The following CIMAP1D variants were observed in gnomAD, a reference collection of about 807,000 sequenced individuals.
CIMAP1D encodes protein CIMAP1D.
chr19:473,216 CTAGG>C, the CIMAP1D span, among the ~76,000 whole-genome samples: 6 of 31,374 alleles, frequency 1.9e-4, 1 homozygote, highest in African/African-American at 3.1e-4. Flanking sequence ...AGACTGAGGC[CTAGG>C]CAGAGATACA....
chr19:467,686 G>T, the CIMAP1D span: 1 of 1,612,382 alleles, frequency 6.2e-7, no homozygotes, highest in South Asian at 1.1e-5. Context: ...AGTAGGCAGG[G>T]GTGCAGCTGC....
At chr19:486,510 G>A in the CIMAP1D span, among the ~76,000 whole-genome samples, 3 of 151,930 alleles carry the variant, frequency 2.0e-5, no homozygotes, top group Non-Finnish European at 2.9e-5. Context: ...GCGCAATCTC[G>A]GCTCACTGCA....
chr19:488,225 A>G, the CIMAP1D span, among the ~76,000 whole-genome samples: 1 of 151,214 alleles, frequency 6.6e-6, no homozygotes, highest in African/African-American at 2.4e-5. Context: ...TCTCTACTAA[A>G]AATACAAAAA....
the CIMAP1D span, among the ~76,000 whole-genome samples, chr19:480,678 T>TGG: frequency 2.1e-5 from 3 of 141,080 alleles, no homozygotes; most frequent in Non-Finnish European, 3.0e-5. Flanking sequence ...AGAAGGATGA[T>TGG]GGAGAACGAT....
chr19:471,211 T>G, the CIMAP1D span, among the ~76,000 whole-genome samples: 1 of 149,864 alleles, frequency 6.7e-6, no homozygotes, highest in African/African-American at 2.5e-5. Context: ...TGCAATGGCA[T>G]GATCTCGGCT....
chr19:478,295 C>T, the CIMAP1D span, among the ~76,000 whole-genome samples: 4 of 152,346 alleles, frequency 2.6e-5, no homozygotes, highest in East Asian at 3.9e-4. Flanking sequence ...TCCTCACATC[C>T]GGGTCACCAG....
At chr19:488,346 C>T in the CIMAP1D span, among the ~76,000 whole-genome samples, 3 of 151,576 alleles carry the variant, frequency 2.0e-5, no homozygotes, top group African/African-American at 4.9e-5. Context: ...CACGGTGAAA[C>T]CCCGTCTCTA....
chr19:477,833 C>A, the CIMAP1D span, among the ~76,000 whole-genome samples: 1 of 152,166 alleles, frequency 6.6e-6, no homozygotes, highest in Non-Finnish European at 1.5e-5. Context: ...GCACGCAGGC[C>A]CTGCACGGCC....
At chr19:469,286 T>G in the CIMAP1D span, among the ~76,000 whole-genome samples, 2 of 151,044 alleles carry the variant, frequency 1.3e-5, no homozygotes, top group African/African-American at 2.4e-5. Context: ...CAGTGGCTCA[T>G]GGCTCACTGC....
chr19:487,598 A>G, the CIMAP1D span, among the ~76,000 whole-genome samples: 4 of 152,074 alleles, frequency 2.6e-5, no homozygotes, highest in African/African-American at 9.7e-5. Flanking sequence ...TGAGCTCAGG[A>G]GGCGGAGGTT....
the CIMAP1D span, chr19:467,820 G>A: frequency 2.1e-5 from 24 of 1,150,014 alleles, no homozygotes; most frequent in South Asian, 7.2e-5. Context: ...CTGCCCCACC[G>A]CCCGGCCTCA....
At chr19:464,118 G>T in the CIMAP1D span, 2 of 808,786 alleles carry the variant, frequency 2.5e-6, no homozygotes, top group Non-Finnish European at 3.5e-6. Context: ...TGGTATCTCA[G>T]CAGGATCCTG....
the CIMAP1D span, among the ~76,000 whole-genome samples, chr19:465,028 ATGAG>A: frequency 6.7e-6 from 1 of 148,728 alleles, no homozygotes; most frequent in Non-Finnish European, 1.5e-5. Flanking sequence ...GGATGGATGG[ATGAG>A]TGAGTGGATG....
chr19:484,431 G>T, the CIMAP1D span, among the ~76,000 whole-genome samples: 1 of 152,140 alleles, frequency 6.6e-6, no homozygotes, highest in Non-Finnish European at 1.5e-5. Flanking sequence ...ATGAGCCACC[G>T]CGCCTGGCCT....
At chr19:464,296 G>T in the CIMAP1D span, 2 of 1,542,310 alleles carry the variant, frequency 1.3e-6, 1 homozygote, top group Non-Finnish European at 1.7e-6. Flanking sequence ...AAAGCCGGCG[G>T]TGTCCGATGG....
the CIMAP1D span, chr19:467,625 C>G: frequency 2.0e-6 from 3 of 1,486,612 alleles, no homozygotes; most frequent in Non-Finnish European, 1.9e-6. Flanking sequence ...GGTCCTTGTG[C>G]GGCTGCTTGG....
the CIMAP1D span, among the ~76,000 whole-genome samples, chr19:484,823 G>A: frequency 9.8e-5 from 15 of 152,316 alleles, no homozygotes; most frequent in Admixed American, 9.8e-4. Context: ...AGAGGACACA[G>A]GGTTTTACCC....
the CIMAP1D span, among the ~76,000 whole-genome samples, chr19:473,063 G>A: frequency 7.4e-5 from 9 of 121,256 alleles, no homozygotes; most frequent in East Asian, 1.8e-3. Context: ...GAGATACACG[G>A]TCACAGATGG....
At chr19:483,531 G>A in the CIMAP1D span, among the ~76,000 whole-genome samples, 12 of 152,196 alleles carry the variant, frequency 7.9e-5, no homozygotes, top group African/African-American at 2.9e-4. Context: ...CAGACCAGGG[G>A]TTCCCAACCC....
Sources: allele counts gnomAD v4.1 joint callset (sites outside exome capture counted in the v4.1 genomes callset), GRCh38; gene constraint gnomAD v4.1.1; transcripts MANE v1.5; gene names NCBI Gene and HGNC (gene_info 2026-07-23, HGNC 2026-07-21).